ZC3H3: variants seen among roughly 807,000 people sequenced by gnomAD.
The protein encoded by ZC3H3 is zinc finger CCCH-type containing 3, also known as zinc finger CCCH domain-containing protein 3.
A neutral mutation model predicts 77.3 loss-of-function variants in ZC3H3; 36 were observed. That is an observed-to-expected ratio of 0.47 (90% CI 0.36 to 0.61). ZC3H3 has a LOEUF of 0.61. Among genes scored for constraint, ZC3H3 ranks in the 20% least tolerant of loss-of-function variants. The probability of loss-of-function intolerance (pLI) is 0.00; values close to 1 mark genes in which losing one functional copy is unlikely to be tolerated. For synonymous variants in ZC3H3, 626 were observed against 555.2 expected (o/e 1.13, Z -1.79); for missense variants, 1,331 against 1,312.2 (o/e 1.01, Z -0.22).
chr8:143,469,453 C>A (rs1410093150), intron 5 of ZC3H3, among the ~76,000 whole-genome samples: 2 of 152,220 alleles, frequency 1.3e-5, no homozygotes, highest in African/African-American at 4.8e-5. Flanking sequence ...GTCCCTGAAG[C>A]CCTGGGCTGG....
chr8:143,497,304 G>C (rs575109469), intron 4 of ZC3H3, among the ~76,000 whole-genome samples: 1 of 152,198 alleles, frequency 6.6e-6, no homozygotes, highest in South Asian at 2.1e-4. Context: ...CTGCCCCAAG[G>C]CTTCTGCATC....
intron 4 of ZC3H3, among the ~76,000 whole-genome samples, chr8:143,495,655 C>T (rs1266222374): frequency 6.6e-6 from 1 of 152,152 alleles, no homozygotes; most frequent in Non-Finnish European, 1.5e-5. Flanking sequence ...AGTCAGGGCT[C>T]ATTGTAACCT....
At chr8:143,505,688 C>T (rs910573352) in intron 4 of ZC3H3, among the ~76,000 whole-genome samples, 1 of 152,192 alleles carries the variant, frequency 6.6e-6, no homozygotes, top group Non-Finnish European at 1.5e-5. Context: ...CCTCACACAC[C>T]CCCTCAGCCA....
intron 3 of ZC3H3, among the ~76,000 whole-genome samples, chr8:143,529,003 G>A (rs1467433572): frequency 6.6e-6 from 1 of 152,250 alleles, no homozygotes; most frequent in Non-Finnish European, 1.5e-5. Context: ...GCCCATGGTG[G>A]CGGGGTGGCT....
At chr8:143,491,742 G>C (rs767829671) in intron 4 of ZC3H3, among the ~76,000 whole-genome samples, 43 of 152,234 alleles carry the variant, frequency 2.8e-4, no homozygotes, top group Non-Finnish European at 4.7e-4. Context: ...CTGCCCTCAG[G>C]GGCAGGGGAG....
intron 9 of ZC3H3, among the ~76,000 whole-genome samples, chr8:143,464,140 C>T (rs1425963672): frequency 2.6e-5 from 4 of 152,256 alleles, no homozygotes; most frequent in South Asian, 4.1e-4. Flanking sequence ...TGGATCTGGC[C>T]GGCTCAGCGC....
At chr8:143,515,211 C>T (rs1351026274) in intron 3 of ZC3H3, among the ~76,000 whole-genome samples, 1 of 152,252 alleles carries the variant, frequency 6.6e-6, no homozygotes, top group Non-Finnish European at 1.5e-5. Context: ...CACACATGGG[C>T]AGTTCCCAGC....
intron 9 of ZC3H3, among the ~76,000 whole-genome samples, chr8:143,457,775 G>A (rs1365076757): frequency 2.0e-5 from 3 of 152,178 alleles, no homozygotes; most frequent in Non-Finnish European, 4.4e-5. Flanking sequence ...GCTGAGGCAG[G>A]AGGATTGCTT....
At chr8:143,471,882 G>A (rs564802391) in intron 5 of ZC3H3, among the ~76,000 whole-genome samples, 1 of 152,370 alleles carries the variant, frequency 6.6e-6, no homozygotes, top group South Asian at 2.1e-4. Context: ...GTATCCCACA[G>A]CTGGGAGCCA....
In ZC3H3 at chr8:143,539,187, C is replaced by G. The variant is rs1281146228; in HGVS notation, c.180G>C (p.Arg60Ser). The change falls in exon 2 of 12, where the codon AGG becomes AGC. Residue 60 changes from arginine to serine, a missense_variant. By Grantham distance (110) the Arg-to-Ser change is moderately radical. Coordinates refer to ENST00000262577, the MANE Select transcript of ZC3H3 (RefSeq NM_015117.3). ...FSARYPRPSR[R>S]GYSSHHGPSW... ...AAGGCCCATGGTGGGAAGAGTAGCC[C>G]CTCCGGCTTGGACGAGGGTAGCGGG... The G allele has an allele frequency of 1.2e-6, 2 of 1,612,810 alleles. No individual in the cohort carries two copies. Among genetic ancestry groups the G allele is most frequent in the South Asian group, 2.2e-5 (2 of 91,084 alleles).
intron 2 of ZC3H3, among the ~76,000 whole-genome samples, chr8:143,537,720 C>T (rs139550128): frequency 3.9e-5 from 6 of 152,344 alleles, no homozygotes; most frequent in African/African-American, 7.2e-5. Context: ...GCAACTGGAA[C>T]GGAAGCTGCC....
At chr8:143,445,031 T>C (rs890594325) in intron 9 of ZC3H3, among the ~76,000 whole-genome samples, 8 of 152,164 alleles carry the variant, frequency 5.3e-5, no homozygotes, top group Admixed American at 1.3e-4. Flanking sequence ...AGTGAGATAA[T>C]ACAAATTTTA....
At chr8:143,517,415 G>A (rs1211794948) in intron 3 of ZC3H3, among the ~76,000 whole-genome samples, 1 of 152,178 alleles carries the variant, frequency 6.6e-6, no homozygotes, top group African/African-American at 2.4e-5. Flanking sequence ...AGGAGCAGGA[G>A]GAAACCGGAC....
intron 9 of ZC3H3, among the ~76,000 whole-genome samples, chr8:143,450,023 T>C (rs890757168): frequency 1.3e-5 from 2 of 152,162 alleles, no homozygotes; most frequent in African/African-American, 4.8e-5. Context: ...CTTGCTGTCT[T>C]CTTCTGAGCC....
chr8:143,490,919 C>T (rs1010240568), intron 4 of ZC3H3, among the ~76,000 whole-genome samples: 1 of 151,860 alleles, frequency 6.6e-6, no homozygotes, highest in Non-Finnish European at 1.5e-5. Context: ...AATAAATAAA[C>T]AAATAAATAT....
At chr8:143,539,670 G>C (rs182960963) in intron 1 of ZC3H3, among the ~76,000 whole-genome samples, 2 of 152,184 alleles carry the variant, frequency 1.3e-5, no homozygotes, top group Non-Finnish European at 2.9e-5. Flanking sequence ...GAATCGCAAT[G>C]ATCCCCTCTG....
intron 3 of ZC3H3, among the ~76,000 whole-genome samples, chr8:143,519,488 C>T (rs529412018): frequency 2.6e-5 from 4 of 152,306 alleles, no homozygotes; most frequent in East Asian, 1.9e-4. Context: ...TTGCATTCCT[C>T]GTTACCCCAG....
chr8:143,470,227 C>T (rs1412662872), intron 5 of ZC3H3, among the ~76,000 whole-genome samples: 1 of 152,220 alleles, frequency 6.6e-6, no homozygotes, highest in Non-Finnish European at 1.5e-5. Flanking sequence ...TGCCTACTGT[C>T]CCCACTCAGC....
intron 4 of ZC3H3, chr8:143,484,427 AT>A (rs1443513695): frequency 2.0e-5 from 3 of 153,566 alleles, no homozygotes; most frequent in African/African-American, 7.2e-5. Flanking sequence ...TTCAATTGGT[AT>A]TTCGATCAAT....
Sources: allele counts gnomAD v4.1 joint callset (sites outside exome capture counted in the v4.1 genomes callset), GRCh38; gene constraint gnomAD v4.1.1; transcripts MANE v1.5; gene names NCBI Gene and HGNC (gene_info 2026-07-23, HGNC 2026-07-21).